Variants in KIF13B observed in about 807,000 individuals in gnomAD.
The protein encoded by KIF13B is kinesin-like protein KIF13B.
Under a neutral mutation model 222.0 loss-of-function variants are expected in KIF13B, and 127 were observed. That is an observed-to-expected ratio of 0.57 (90% CI 0.50 to 0.66). KIF13B has a LOEUF of 0.66. Among genes scored for constraint, KIF13B ranks in the 30% least tolerant of loss-of-function variants. The probability of loss-of-function intolerance (pLI) is 0.00; values close to 1 mark genes in which losing one functional copy is unlikely to be tolerated. For missense variants in KIF13B, 2,173 were observed against 2,379.0 expected (o/e 0.91, Z 1.80); for synonymous variants, 976 against 919.0 (o/e 1.06, Z -1.12).
At chr8:29,105,503 TG>T in intron 35 of KIF13B, among the ~76,000 whole-genome samples, 1 of 152,186 alleles carries the variant, frequency 6.6e-6, no homozygotes, top group East Asian at 1.9e-4. Context: ...CCCTCTGCCA[TG>T]CCCTGGCTGG....
intron 11 of KIF13B, 45 bp from the exon 12 acceptor site, chr8:29,165,817 T>C (rs1334241796): frequency 2.8e-6 from 4 of 1,412,564 alleles, no homozygotes; most frequent in South Asian, 2.4e-5. Flanking sequence ...GAAGATGCCC[T>C]GGAAAAAGAA....
chr8:29,169,727 C>T (rs1384545417), intron 10 of KIF13B, among the ~76,000 whole-genome samples: 1 of 152,202 alleles, frequency 6.6e-6, no homozygotes, highest in African/African-American at 2.4e-5. Context: ...ATAGCTGGTG[C>T]TCCAGATTTG....
At chr8:29,228,443 G>A (rs980982199) in intron 2 of KIF13B, among the ~76,000 whole-genome samples, 6 of 125,650 alleles carry the variant, frequency 4.8e-5, no homozygotes, top group Non-Finnish European at 1.0e-4. Context: ...CTCCAGCCTG[G>A]GTGACAGAGC....
At chr8:29,094,011 T>C (rs1055509765) in intron 36 of KIF13B, among the ~76,000 whole-genome samples, 2 of 152,242 alleles carry the variant, frequency 1.3e-5, no homozygotes, top group Admixed American at 6.5e-5. Context: ...TCTAGAGTTC[T>C]GTATCAAATT....
At chr8:29,235,913 A>G (rs1815487478) in intron 2 of KIF13B, among the ~76,000 whole-genome samples, 1 of 152,230 alleles carries the variant, frequency 6.6e-6, no homozygotes, top group Non-Finnish European at 1.5e-5. Flanking sequence ...TGCTAGAATG[A>G]AAATATTTAC....
At chr8:29,128,556 T>C (rs1273900144) in intron 24 of KIF13B, among the ~76,000 whole-genome samples, 3 of 152,236 alleles carry the variant, frequency 2.0e-5, no homozygotes, top group Non-Finnish European at 4.4e-5. Flanking sequence ...CTAAACAGTT[T>C]TGTCATTTCA....
At chr8:29,160,009 G>A (rs1238551759) in intron 13 of KIF13B, among the ~76,000 whole-genome samples, 1 of 152,238 alleles carries the variant, frequency 6.6e-6, no homozygotes, top group Admixed American at 6.5e-5. Flanking sequence ...TCAACTCTGT[G>A]TTAGAGTCGT....
chr8:29,233,240 C>G (rs2130596440), intron 2 of KIF13B, among the ~76,000 whole-genome samples: 1 of 152,266 alleles, frequency 6.6e-6, no homozygotes, highest in East Asian at 1.9e-4. Context: ...ATCCACAAAC[C>G]CTATCAATAG....
intron 2 of KIF13B, among the ~76,000 whole-genome samples, chr8:29,235,310 C>T (rs186163504): frequency 1.3e-5 from 2 of 152,286 alleles, no homozygotes; most frequent in East Asian, 3.9e-4. Context: ...TCTGCACCGT[C>T]CAAGCAAGAT....
intron 6 of KIF13B, among the ~76,000 whole-genome samples, chr8:29,183,118 T>C (rs1812779891): frequency 6.6e-6 from 1 of 151,528 alleles, no homozygotes; most frequent in Non-Finnish European, 1.5e-5. Flanking sequence ...ACTTTTGAAC[T>C]ACACAAAATC....
intron 12 of KIF13B, among the ~76,000 whole-genome samples, chr8:29,163,007 T>C (rs1811848206): frequency 6.6e-6 from 1 of 152,208 alleles, no homozygotes; most frequent in Admixed American, 6.5e-5. Flanking sequence ...CAAAAGCAAG[T>C]GGCAGACCAG....
chr8:29,215,258 C>G (rs1320322945), intron 2 of KIF13B, among the ~76,000 whole-genome samples: 2 of 151,992 alleles, frequency 1.3e-5, no homozygotes, highest in African/African-American at 4.8e-5. Flanking sequence ...TTCCAACCTA[C>G]CTAACAAACA....
intron 2 of KIF13B, among the ~76,000 whole-genome samples, chr8:29,227,134 G>A (rs918221033): frequency 6.6e-6 from 1 of 152,196 alleles, no homozygotes. Flanking sequence ...ATTCAATAAG[G>A]ATTCAATAAG....
At chr8:29,102,544 C>T (rs1808842375) in intron 35 of KIF13B, among the ~76,000 whole-genome samples, 1 of 152,254 alleles carries the variant, frequency 6.6e-6, no homozygotes, top group Non-Finnish European at 1.5e-5. Flanking sequence ...CCGGGGAGGG[C>T]CTGACTTGGT....
chr8:29,168,909 A>G (rs1020290672), intron 10 of KIF13B, among the ~76,000 whole-genome samples: 1 of 152,204 alleles, frequency 6.6e-6, no homozygotes, highest in Non-Finnish European at 1.5e-5. Flanking sequence ...CTACTCATAT[A>G]TTAGGATACC....
At chr8:29,157,988 T>A (rs1811613208) in intron 13 of KIF13B, among the ~76,000 whole-genome samples, 1 of 152,222 alleles carries the variant, frequency 6.6e-6, no homozygotes, top group South Asian at 2.1e-4. Context: ...TCACAGAGCA[T>A]GTGCCAGCTA....
At chr8:29,169,629 C>T (rs1156441429) in intron 10 of KIF13B, among the ~76,000 whole-genome samples, 1 of 152,140 alleles carries the variant, frequency 6.6e-6, no homozygotes, top group African/African-American at 2.4e-5. Context: ...TAATGTATGA[C>T]ATGGGAAGAA....
Position 29,070,296 on chromosome 8 carries a change from C to T in KIF13B, c.*208G>A, listed in dbSNP as rs1353158586. Reference sequence around the variant, plus strand: ...AGAACCTTCCATCCACCTGAGGAGGCACAGTTGAGGCCCCCACTTTACCCG... The same window carrying T: ...AGAACCTTCCATCCACCTGAGGAGGTACAGTTGAGGCCCCCACTTTACCCG... On this transcript the variant is annotated 3_prime_UTR_variant, in exon 40 of 40. Transcript: ENST00000524189. This position sits in a 1 kb window ranked among gnomAD's most constrained non-coding sequence, Gnocchi z 4.1. 5 of 603,244 alleles carry T rather than the reference C, an allele frequency of 8.3e-6. No individual in the cohort carries two copies. The highest frequency in any genetic ancestry group is 1.1e-5 in the Non-Finnish European group (4 of 347,940). 37.4% of individuals were successfully genotyped at this position (603,244 alleles called of 1,614,324 possible).
chr8:29,070,671 C>A lies in KIF13B; in HGVS notation c.5314G>T (p.Gly1772Cys), dbSNP rs781075161. 3 of 1,562,092 alleles carry A rather than the reference C, an allele frequency of 1.9e-6. No homozygotes were observed. The East Asian group carries it at 7.2e-5, about 37-fold the overall frequency. ...CCTGTGCTGCGCCGCCGCACAGGGC[C>A]CGTGGCCCTGCGGACCCGGCTGGGC... ...VRPSRVRRAT[G>C]PVRRRSTGLR... Residue 1772 changes from glycine to cysteine, a missense_variant, in exon 40 of 40, where the codon GGC becomes TGC. Transcript: ENST00000524189. The surrounding 1 kb of genome is among the most constrained non-coding windows in gnomAD (Gnocchi z 4.1).
Sources: allele counts gnomAD v4.1 joint callset (sites outside exome capture counted in the v4.1 genomes callset), GRCh38; gene constraint gnomAD v4.1.1; non-coding constraint Gnocchi (gnomAD v3.1); transcripts MANE v1.5; gene names NCBI Gene and HGNC (gene_info 2026-07-23, HGNC 2026-07-21).